CSNK1G1: variants seen among roughly 807,000 people sequenced by gnomAD.
The protein encoded by CSNK1G1 is casein kinase I isoform gamma-1.
CSNK1G1 carries 22 observed loss-of-function variants against 59.6 expected under a neutral mutation model. That is an observed-to-expected ratio of 0.37 (90% CI 0.26 to 0.53). CSNK1G1 has a LOEUF of 0.53. Ranked by LOEUF, CSNK1G1 falls within the 20% of genes least tolerant of loss-of-function variation. The probability of loss-of-function intolerance (pLI) is 0.89; values close to 1 mark genes in which losing one functional copy is unlikely to be tolerated. For missense variants in CSNK1G1, 384 were observed against 519.5 expected, an observed-to-expected ratio of 0.74 and a Z score of 2.54; for synonymous variants, 179 against 177.1, an observed-to-expected ratio of 1.01 and a Z score of -0.08.
intron 4 of CSNK1G1, among the ~76,000 whole-genome samples, chr15:64,237,512 C>A (rs1179032114): frequency 6.6e-6 from 1 of 152,190 alleles, no homozygotes; most frequent in Non-Finnish European, 1.5e-5. Context: ...TAAGTTCAGG[C>A]ATGTTCTTTG....
rs2081599723 is a variant in CSNK1G1 at position 64,166,095 on chromosome 15, A to G, written c.*5836T>C. The G allele has an allele frequency of 4.9e-6, 3 of 617,028 alleles. No homozygotes were observed. Among genetic ancestry groups the G allele is most frequent in the South Asian group, 3.8e-5 (2 of 52,814 alleles). The allele number at this position is 617,028 out of a possible 1,614,324, so 38.2% of individuals were successfully genotyped here. A position where few individuals can be genotyped will look rare whatever the true frequency, so the allele number is the denominator to read the frequency against. On this transcript the variant is annotated 3_prime_UTR_variant, in exon 12 of 12. Coordinates refer to ENST00000303052, the MANE Select transcript of CSNK1G1 (RefSeq NM_022048.5). The surrounding 1 kb of genome is among the most constrained non-coding windows in gnomAD (Gnocchi z 4.5). ...ACATTATACATCTAAAAAAAAAAAAAGTAAAAAAAGAGGCATTTAACAATA... is the reference window on the plus strand; with the variant it reads ...ACATTATACATCTAAAAAAAAAAAAGGTAAAAAAAGAGGCATTTAACAATA...
chr15:64,254,594 C>T (rs1892271801), intron 3 of CSNK1G1, among the ~76,000 whole-genome samples: 1 of 152,088 alleles, frequency 6.6e-6, no homozygotes, highest in Non-Finnish European at 1.5e-5. Flanking sequence ...TCAGGTGATC[C>T]GCCTGCCTTG....
In CSNK1G1 at chr15:64,165,882, T is replaced by C; in HGVS notation, c.*6049A>G. ...AAATGGGCTACTCTGAGATCACATA[T>C]CAGAACCCATTTTCCATTTTCTCCA... On this transcript the variant is annotated 3_prime_UTR_variant, in exon 12 of 12. Coordinates refer to ENST00000303052, the MANE Select transcript of CSNK1G1 (RefSeq NM_022048.5). 4.0e-6 allele frequency: 2 copies of C among 502,716 alleles called. No individual in the cohort carries two copies. Among genetic ancestry groups the C allele is most frequent in the Non-Finnish European group, 3.5e-6 (1 of 285,770 alleles). 31.1% of individuals were successfully genotyped at this position (502,716 alleles called of 1,614,324 possible). A position where few individuals can be genotyped will look rare whatever the true frequency, so the allele number is the denominator to read the frequency against.
At chr15:64,193,206 C>G (rs149930518) in intron 10 of CSNK1G1, among the ~76,000 whole-genome samples, 1,885 of 151,846 alleles carry the variant, frequency 0.012, 29 homozygotes, top group African/African-American at 0.044. Flanking sequence ...AAGAATGGAA[C>G]AGGAGCCAGC....
Position 64,176,482 on chromosome 15 carries a change from C to T in CSNK1G1, c.1214+3866G>A, listed in dbSNP as rs376895545. Reference sequence around the variant, plus strand: ...GGTCCCCACGTTAAAGTGGAGGGTTCGGACAGGAGCCTGACAGAAGCATCA... The same window carrying T: ...GGTCCCCACGTTAAAGTGGAGGGTTTGGACAGGAGCCTGACAGAAGCATCA... On this transcript the variant is annotated intron_variant, in intron 11 of 11. Coordinates refer to ENST00000303052, the MANE Select transcript of CSNK1G1 (RefSeq NM_022048.5). The surrounding 1 kb of genome is among the most constrained non-coding windows in gnomAD (Gnocchi z 5.2). Among the ~76,000 whole-genome samples, 17 of 152,230 alleles carry T rather than the reference C, an allele frequency of 1.1e-4. No homozygotes were observed. Among genetic ancestry groups the T allele is most frequent in the African/African-American group, 2.4e-4 (10 of 41,526 alleles).
chr15:64,201,982 A>G (rs1186241794), intron 10 of CSNK1G1, among the ~76,000 whole-genome samples: 3 of 152,190 alleles, frequency 2.0e-5, no homozygotes, highest in Non-Finnish European at 4.4e-5. Context: ...ATATAAAGAT[A>G]AAAATCCTAT....
chr15:64,301,047 C>T (rs915917016), intron 1 of CSNK1G1, among the ~76,000 whole-genome samples: 2 of 152,164 alleles, frequency 1.3e-5, no homozygotes, highest in Non-Finnish European at 2.9e-5. Context: ...CAGAGCAGTG[C>T]TAAAATCAAG....
intron 1 of CSNK1G1, among the ~76,000 whole-genome samples, chr15:64,306,378 A>G (rs1895685786): frequency 1.3e-5 from 2 of 152,248 alleles, no homozygotes; most frequent in Admixed American, 1.3e-4. Flanking sequence ...GCAAATACAT[A>G]TATGAAAATA....
In CSNK1G1 at chr15:64,319,737, G is replaced by A. The variant is rs191659942; in HGVS notation, c.-224-19014C>T. 6.9e-3 allele frequency among the ~76,000 whole-genome samples: 1,053 copies of A among 152,182 alleles called. 7 individuals are homozygous for A. The highest frequency in any genetic ancestry group is 0.012 in the Non-Finnish European group (790 of 68,006). ...TTTTGTGTGTGTGTGTTTTAGTAGA[G>A]ACGAGGTTTCACCGTGTTGCCCAGG... On this transcript the variant is annotated intron_variant, in intron 1 of 11. Coordinates refer to ENST00000303052, the MANE Select transcript of CSNK1G1 (RefSeq NM_022048.5).
At chr15:64,226,711 T>C (rs1370169545) in intron 4 of CSNK1G1, among the ~76,000 whole-genome samples, 1 of 152,158 alleles carries the variant, frequency 6.6e-6, no homozygotes, top group Non-Finnish European at 1.5e-5. Context: ...AGTACTGTAG[T>C]TCCTGTGATT....
chr15:64,228,464 C>G (rs990986266), intron 4 of CSNK1G1, among the ~76,000 whole-genome samples: 6 of 151,602 alleles, frequency 4.0e-5, no homozygotes, highest in African/African-American at 1.5e-4. Flanking sequence ...TGGTGAAACC[C>G]CGTCTCACTA....
At chr15:64,224,519 T>C (rs1044684746) in intron 4 of CSNK1G1, among the ~76,000 whole-genome samples, 6 of 152,212 alleles carry the variant, frequency 3.9e-5, no homozygotes, top group African/African-American at 1.2e-4. Flanking sequence ...GTATATCTTT[T>C]TTAAAAAAGA....
chr15:64,316,535 C>CAAA (rs66620488), intron 1 of CSNK1G1, among the ~76,000 whole-genome samples: 21 of 94,004 alleles, frequency 2.2e-4, no homozygotes, highest in African/African-American at 4.2e-4. Flanking sequence ...GACTCTGTCT[C>CAAA]AAAAAAAAAA....
chr15:64,230,282 G>C (rs561323386), intron 4 of CSNK1G1, among the ~76,000 whole-genome samples: 44 of 151,360 alleles, frequency 2.9e-4, no homozygotes, highest in African/African-American at 1.0e-3. Flanking sequence ...TTAGTATATA[G>C]TGCCAAATTG....
chr15:64,299,698 A>G lies in CSNK1G1; in HGVS notation c.181+621T>C, dbSNP rs146030146. Among the ~76,000 whole-genome samples, 5 of 152,242 alleles carry G rather than the reference A, an allele frequency of 3.3e-5. No homozygotes were observed. In the East Asian group the frequency reaches 9.6e-4, roughly 29 times the overall value. On this transcript the variant is annotated intron_variant, in intron 2 of 11. Coordinates refer to ENST00000303052, the MANE Select transcript of CSNK1G1 (RefSeq NM_022048.5). ...TGTCATTATTTTCCATCTCACCCATAAATTCATAATTGAAATAGAAAATCC... is the reference window on the plus strand; with the variant it reads ...TGTCATTATTTTCCATCTCACCCATGAATTCATAATTGAAATAGAAAATCC...
chr15:64,339,087 G>A (rs896764186), intron 1 of CSNK1G1, among the ~76,000 whole-genome samples: 4 of 152,080 alleles, frequency 2.6e-5, no homozygotes, highest in Non-Finnish European at 5.9e-5. Context: ...AGTTAAGGAG[G>A]AGAGAAAAGG....
intron 2 of CSNK1G1, among the ~76,000 whole-genome samples, chr15:64,282,117 T>C (rs950099451): frequency 6.6e-6 from 1 of 151,660 alleles, no homozygotes. Context: ...TTTGTGGAGA[T>C]GCGGTCTTGC....
At chr15:64,291,267 A>C (rs1022521645) in intron 2 of CSNK1G1, among the ~76,000 whole-genome samples, 4 of 152,200 alleles carry the variant, frequency 2.6e-5, no homozygotes, top group African/African-American at 7.2e-5. Flanking sequence ...TTCATTTTGA[A>C]CTAGAGAAGA....
intron 6 of CSNK1G1, among the ~76,000 whole-genome samples, chr15:64,208,698 TTATTTA>T (rs1171901537): frequency 1.3e-5 from 2 of 151,916 alleles, no homozygotes; most frequent in Non-Finnish European, 2.9e-5. Context: ...CTCGGCTAAT[TTATTTA>T]TTTTTATTTT....
Sources: allele counts gnomAD v4.1 joint callset (sites outside exome capture counted in the v4.1 genomes callset), GRCh38; gene constraint gnomAD v4.1.1; non-coding constraint Gnocchi (gnomAD v3.1); transcripts MANE v1.5; gene names NCBI Gene and HGNC (gene_info 2026-07-23, HGNC 2026-07-21).